Variants in EPHA6 observed in about 807,000 individuals in gnomAD.
EPHA6 encodes EPH receptor A6.
In EPHA6, 50 loss-of-function variants were observed where a neutral mutation model predicts 112.0. The observed-to-expected ratio is 0.45, with a 90% CI of 0.36 to 0.56. EPHA6 has a LOEUF of 0.56. EPHA6 is among the 20% of genes least tolerant of loss of function. The pLI, the probability that EPHA6 is intolerant of heterozygous loss-of-function variation, is 0.00. For missense variants in EPHA6, 1,280 were observed against 1,417.4 expected (o/e 0.90, Z 1.56); for synonymous variants, 529 against 490.7 (o/e 1.08, Z -1.03).
chr3:97,174,009 C>T (rs764389233), intron 3 of EPHA6, among the ~76,000 whole-genome samples: 24 of 151,570 alleles, frequency 1.6e-4, no homozygotes, highest in South Asian at 4.1e-4. Context: ...CATTAACCAT[C>T]ACCTTCTACC....
At position 97,601,813 on chromosome 3, in the gene EPHA6, C is replaced by T. The variant is rs182168457; in HGVS notation, c.2513-8980C>T. 7.2e-5 allele frequency among the ~76,000 whole-genome samples: 11 copies of T among 152,012 alleles called. No individual in the cohort carries two copies. In the South Asian group the frequency reaches 1.5e-3, roughly 20 times the overall value. The stretch of plus-strand genomic sequence containing the variant: ...TTAAAATCACTCTGTAAATTACCTA[C>T]GTAGTTAGAATACATGAAATATATT... On this transcript the variant is annotated intron_variant, in intron 12 of 17. Coordinates refer to ENST00000389672, the MANE Select transcript of EPHA6 (RefSeq NM_001080448.3).
chr3:97,213,435 G>A lies in EPHA6; in HGVS notation c.1115-12829G>A, dbSNP rs540974104. 2.6e-5 allele frequency among the ~76,000 whole-genome samples: 4 copies of A among 152,228 alleles called. No individual in the cohort carries two copies. In the East Asian group the frequency reaches 7.7e-4, roughly 29 times the overall value. On this transcript the variant is annotated intron_variant, in intron 3 of 17. Coordinates refer to ENST00000389672, the MANE Select transcript of EPHA6 (RefSeq NM_001080448.3). Reference sequence around the variant, plus strand: ...CACCATCACCATGTGATTGCTTGAGGACTGGGCAAGAGTTAAGCAAGAAAA... The same window carrying A: ...CACCATCACCATGTGATTGCTTGAGAACTGGGCAAGAGTTAAGCAAGAAAA...
At chr3:97,426,970 C>A (rs181488400) in intron 6 of EPHA6, among the ~76,000 whole-genome samples, 19 of 152,142 alleles carry the variant, frequency 1.2e-4, no homozygotes, top group Non-Finnish European at 1.5e-5. Flanking sequence ...GGGAGAAATG[C>A]AAATCAAAGC....
At chr3:96,986,358 T>A (rs1017717037) in intron 2 of EPHA6, among the ~76,000 whole-genome samples, 2 of 152,176 alleles carry the variant, frequency 1.3e-5, no homozygotes, top group Non-Finnish European at 2.9e-5. Flanking sequence ...CTTAAAATGC[T>A]TAATAAAGAC....
At chr3:97,228,305 T>C (rs527719234) in intron 4 of EPHA6, among the ~76,000 whole-genome samples, 1 of 152,230 alleles carries the variant, frequency 6.6e-6, no homozygotes, top group South Asian at 2.1e-4. Flanking sequence ...TAGTCTTTTA[T>C]CACTCACTAC....
chr3:96,967,375 T>C (rs1387415596), intron 2 of EPHA6, among the ~76,000 whole-genome samples: 1 of 151,596 alleles, frequency 6.6e-6, no homozygotes, highest in Non-Finnish European at 1.5e-5. Flanking sequence ...CATTTACTAG[T>C]ATATTATGAA....
At chr3:97,672,952 G>T (rs1032367557) in intron 14 of EPHA6, among the ~76,000 whole-genome samples, 13 of 152,152 alleles carry the variant, frequency 8.5e-5, no homozygotes, top group African/African-American at 2.9e-4. Flanking sequence ...TAGTGAGAAG[G>T]AAATGGAAAC....
chr3:97,632,968 G>A (rs1321128455), intron 13 of EPHA6, among the ~76,000 whole-genome samples: 2 of 152,034 alleles, frequency 1.3e-5, no homozygotes, highest in African/African-American at 2.4e-5. Context: ...TCATAACCTC[G>A]GTCTAAGTAC....
In EPHA6 at chr3:96,997,832, A is replaced by T. The variant is rs188950372; in HGVS notation, c.1114+9839A>T. On this transcript the variant is annotated intron_variant, in intron 3 of 17. Coordinates refer to ENST00000389672, the MANE Select transcript of EPHA6 (RefSeq NM_001080448.3). The stretch of plus-strand genomic sequence containing the variant: ...TAAAATGAGCACACACTTTTGGAAA[A>T]ATGGCACCAATAGCCTTGCTTGATG... 3.0e-3 allele frequency among the ~76,000 whole-genome samples: 450 copies of T among 152,146 alleles called. 4 individuals are homozygous for T. The highest frequency in any genetic ancestry group is 9.8e-3 in the African/African-American group (407 of 41,564).
intron 4 of EPHA6, among the ~76,000 whole-genome samples, chr3:97,230,473 G>T (rs558011810): frequency 6.6e-6 from 1 of 152,106 alleles, no homozygotes; most frequent in East Asian, 1.9e-4. Context: ...TTTCAGAAAT[G>T]CTAGCCTAGC....
chr3:96,822,780 C>T (rs2033365052), intron 1 of EPHA6, among the ~76,000 whole-genome samples: 1 of 150,598 alleles, frequency 6.6e-6, no homozygotes, highest in Non-Finnish European at 1.5e-5. Flanking sequence ...GGTGACTGTA[C>T]TATAATATAC....
intron 1 of EPHA6, among the ~76,000 whole-genome samples, chr3:96,864,224 T>A (rs888650649): frequency 1.3e-5 from 2 of 152,030 alleles, no homozygotes; most frequent in Non-Finnish European, 2.9e-5. Flanking sequence ...TCCTTGTTAT[T>A]AACCCTGGAG....
intron 3 of EPHA6, among the ~76,000 whole-genome samples, chr3:97,068,455 T>C (rs1576427694): frequency 1.3e-5 from 2 of 152,220 alleles, no homozygotes; most frequent in Admixed American, 6.5e-5. Flanking sequence ...GCCTGAAATA[T>C]AGCTGTAAGA....
chr3:97,002,005 A>G (rs542709080), intron 3 of EPHA6, among the ~76,000 whole-genome samples: 2 of 152,146 alleles, frequency 1.3e-5, no homozygotes, highest in African/African-American at 4.8e-5. Flanking sequence ...GGATTATGGT[A>G]TATTTGGTCT....
At chr3:97,258,833 A>C (rs2079403282) in intron 5 of EPHA6, among the ~76,000 whole-genome samples, 1 of 152,188 alleles carries the variant, frequency 6.6e-6, no homozygotes, top group Non-Finnish European at 1.5e-5. Context: ...TGAGCAAGCA[A>C]ATGCTCAATA....
chr3:97,283,076 G>A (rs1477802584), intron 5 of EPHA6, among the ~76,000 whole-genome samples: 1 of 152,120 alleles, frequency 6.6e-6, no homozygotes, highest in Non-Finnish European at 1.5e-5. Flanking sequence ...GAATAGTACT[G>A]GAAAATTAAT....
intron 2 of EPHA6, among the ~76,000 whole-genome samples, chr3:96,913,815 C>G (rs2039351452): frequency 2.0e-5 from 3 of 152,106 alleles, no homozygotes; most frequent in Non-Finnish European, 2.9e-5. Context: ...AAAAAAATCA[C>G]TATTGATTTT....
At chr3:97,643,095 G>A (rs980669317) in intron 14 of EPHA6, among the ~76,000 whole-genome samples, 62 of 152,256 alleles carry the variant, frequency 4.1e-4, no homozygotes, top group African/African-American at 1.4e-3. Flanking sequence ...TGGATCTCTC[G>A]GCAGAAACCC....
chr3:97,156,297 C>T (rs1377512767), intron 3 of EPHA6, among the ~76,000 whole-genome samples: 1 of 151,882 alleles, frequency 6.6e-6, no homozygotes, highest in Admixed American at 6.6e-5. Flanking sequence ...AATGGCCATA[C>T]CTGAAGCAGA....
Sources: allele counts gnomAD v4.1 joint callset (sites outside exome capture counted in the v4.1 genomes callset), GRCh38; gene constraint gnomAD v4.1.1; transcripts MANE v1.5; gene names NCBI Gene and HGNC (gene_info 2026-07-23, HGNC 2026-07-21).